Variants in MME observed in about 807,000 individuals in gnomAD.
MME encodes membrane metalloendopeptidase.
In MME, 98 loss-of-function variants were observed where a neutral mutation model predicts 113.2. The ratio of observed to expected loss-of-function variants is 0.87; its 90% confidence interval spans 0.74 to 1.02. The LOEUF is 1.02. MME is among the 50% of genes least tolerant of loss of function. MME has a pLI of 0.00. For synonymous variants in MME, 292 were observed against 300.6 expected (o/e 0.97, Z 0.30); for missense variants, 836 against 896.0 (o/e 0.93, Z 0.86).
rs564480218 is a variant in MME at position 155,108,551 on chromosome 3, G to A, written c.197-6443G>A. On this transcript the variant is annotated intron_variant, in intron 3 of 22. Coordinates refer to ENST00000360490, the MANE Select transcript of MME (RefSeq NM_007289.4). ...GCAGAGGTTGCAGTGAGCAGATATC[G>A]CGCCATTGCACTGCAGCCTGGGGGA... Among the ~76,000 whole-genome samples the A allele has an allele frequency of 5.3e-5, 8 of 151,358 alleles. No homozygotes were observed. The South Asian group carries it at 8.4e-4, about 16-fold the overall frequency.
At chr3:155,177,022 C>G (rs575166365) in intron 22 of MME, among the ~76,000 whole-genome samples, 1 of 152,092 alleles carries the variant, frequency 6.6e-6, no homozygotes, top group African/African-American at 2.4e-5. Flanking sequence ...AGTGCCCACT[C>G]TCTGCGGTGT....
intron 1 of MME, among the ~76,000 whole-genome samples, chr3:155,025,192 G>A (rs1296254044): frequency 6.6e-6 from 1 of 152,172 alleles, no homozygotes. Flanking sequence ...GTGCAGCCCA[G>A]CCTTTGCCAC....
At chr3:155,093,065 G>A (rs1007512610) in intron 3 of MME, among the ~76,000 whole-genome samples, 1 of 147,576 alleles carries the variant, frequency 6.8e-6, no homozygotes, top group African/African-American at 2.5e-5. Flanking sequence ...AAAAAAAAAA[G>A]CAAACAAAAA....
chr3:155,123,647 G>A (rs1291610843), intron 8 of MME, among the ~76,000 whole-genome samples: 1 of 54,142 alleles, frequency 1.8e-5, no homozygotes, highest in Non-Finnish European at 4.0e-5. Flanking sequence ...TTGCTTGTCT[G>A]TAAAGTATTT....
chr3:155,166,230 GAC>G (rs1303397791), intron 17 of MME, among the ~76,000 whole-genome samples: 15 of 152,152 alleles, frequency 9.9e-5, no homozygotes, highest in African/African-American at 3.1e-4. Flanking sequence ...TATATGTACA[GAC>G]ACAGAAATCT....
rs1714500319 is a variant in MME at position 155,069,962 on chromosome 3, A to G, written c.-10-14196A>G. On this transcript the variant is annotated intron_variant, in intron 1 of 22. Transcript: ENST00000492661. The stretch of plus-strand genomic sequence containing the variant: ...CAGGAAATGGGTATGACCAGAGGGA[A>G]CAGGAAGAGATTGTTTTCCTTTTGG... 2.0e-5 allele frequency among the ~76,000 whole-genome samples: 3 copies of G among 152,274 alleles called. No individual in the cohort carries two copies. The South Asian group carries it at 6.2e-4, about 32-fold the overall frequency.
intron 16 of MME, among the ~76,000 whole-genome samples, chr3:155,155,058 C>T (rs183291881): frequency 1.4e-3 from 207 of 152,236 alleles, no homozygotes; most frequent in Admixed American, 2.7e-3. Context: ...CCAACAGAGT[C>T]TTTGCAGATT....
chr3:155,160,337 G>T, intron 16 of MME, 53 bp from the exon 17 acceptor site: 1 of 1,179,112 alleles, frequency 8.5e-7, no homozygotes. Context: ...GTGTGAGTGG[G>T]TTGAATCAGA....
At chr3:155,133,395 C>T (rs1389015566) in intron 8 of MME, among the ~76,000 whole-genome samples, 5 of 151,666 alleles carry the variant, frequency 3.3e-5, no homozygotes, top group Admixed American at 1.3e-4. Context: ...ATACTATATG[C>T]TTCCAGTTTT....
chr3:155,159,461 G>A (rs560071466), intron 16 of MME, among the ~76,000 whole-genome samples: 2 of 151,974 alleles, frequency 1.3e-5, no homozygotes, highest in African/African-American at 2.4e-5. Context: ...AGCAAGTAAC[G>A]ATATATGTAG....
At chr3:155,085,145 T>A (rs1271107964) in intron 3 of MME, 51 bp downstream of exon 3, 2 of 1,148,816 alleles carry the variant, frequency 1.7e-6, no homozygotes, top group Non-Finnish European at 2.6e-6. Context: ...GTATAATATT[T>A]AAAATTAAAT....
At chr3:155,149,185 A>G (rs1329625829) in intron 16 of MME, among the ~76,000 whole-genome samples, 1 of 152,132 alleles carries the variant, frequency 6.6e-6, no homozygotes, top group Non-Finnish European at 1.5e-5. Context: ...CTTATTAGTG[A>G]CATTAGTATT....
Position 155,116,724 on chromosome 3 carries a change from G to A in MME, c.500G>A (p.Trp167Ter), listed in dbSNP as rs866940266. ...AAACTGTTACCAGACATATATGGGT[G>A]GCCAGTAGCAACAGAAAACTGGGAG... The part of the protein sequence containing the change: ...LLKLLPDIYG[W>*]PVATENWEQK... Residue 167 changes from tryptophan (W) to a stop codon, truncating the protein, a stop_gained, in exon 6 of 23, where the codon TGG (tryptophan) becomes TAG (stop). Coordinates refer to ENST00000360490, the MANE Select transcript of MME (RefSeq NM_007289.4). LOFTEE classifies it high-confidence loss of function. 6.2e-7 allele frequency: 1 copy of A among 1,613,482 alleles called. No homozygotes were observed. Among genetic ancestry groups the A allele is most frequent in the Non-Finnish European group, 8.5e-7 (1 of 1,179,754 alleles).
chr3:155,029,921 G>C (rs1308129094), intron 1 of MME, among the ~76,000 whole-genome samples: 1 of 151,964 alleles, frequency 6.6e-6, no homozygotes, highest in Non-Finnish European at 1.5e-5. Flanking sequence ...AGACATATAG[G>C]CACACAGACA....
chr3:155,042,934 A>ATATG (rs1553749806), intron 1 of MME, among the ~76,000 whole-genome samples: 823 of 61,084 alleles, frequency 0.013, 2 homozygotes, highest in South Asian at 0.025. Context: ...ATATATATAT[A>ATATG]TATATGTATA....
At chr3:155,075,819 T>C (rs1576685364), upstream of MME, among the ~76,000 whole-genome samples, 3 of 152,302 alleles carry the variant, frequency 2.0e-5, no homozygotes, top group Admixed American at 6.5e-5. Context: ...CCAGGCCTGA[T>C]TGAGTAAAGA....
chr3:155,054,251 A>G (rs1713855040), intron 1 of MME, among the ~76,000 whole-genome samples: 1 of 152,136 alleles, frequency 6.6e-6, no homozygotes, highest in South Asian at 2.1e-4. Flanking sequence ...TTTTTATTTT[A>G]GTGCTTTTTA....
At chr3:155,108,632 T>G (rs759098669) in intron 3 of MME, among the ~76,000 whole-genome samples, 5 of 151,910 alleles carry the variant, frequency 3.3e-5, no homozygotes, top group Admixed American at 6.6e-5. Context: ...CATATAATAG[T>G]ACTACAGCAC....
At chr3:155,131,379 A>G (rs572465714) in intron 8 of MME, among the ~76,000 whole-genome samples, 2 of 152,306 alleles carry the variant, frequency 1.3e-5, no homozygotes, top group South Asian at 2.1e-4. Context: ...CTATGACATG[A>G]TAAGACAGGC....
Sources: allele counts gnomAD v4.1 joint callset (sites outside exome capture counted in the v4.1 genomes callset), GRCh38; gene constraint gnomAD v4.1.1; transcripts MANE v1.5; gene names NCBI Gene and HGNC (gene_info 2026-07-23, HGNC 2026-07-21).